ULK4: variants seen among roughly 807,000 people sequenced by gnomAD.
The protein encoded by ULK4 is unc-51 like kinase 4, also known as inactive serine/threonine-protein kinase ULK4.
A neutral mutation model predicts 160.6 loss-of-function variants in ULK4; 133 were observed. The ratio of observed to expected loss-of-function variants is 0.83; its 90% CI spans 0.72 to 0.96. ULK4 has a LOEUF of 0.96. ULK4 is among the 40% of genes least tolerant of loss of function. The probability of loss-of-function intolerance (pLI) is 0.00; values close to 1 mark genes in which losing one functional copy is unlikely to be tolerated. For missense variants in ULK4, 1,580 were observed against 1,499.5 expected (o/e 1.05, Z -0.89); for synonymous variants, 534 against 539.8 (o/e 0.99, Z 0.15).
intron 21 of ULK4, among the ~76,000 whole-genome samples, chr3:41,780,546 G>A (rs988359524): frequency 5.3e-5 from 8 of 152,070 alleles, no homozygotes; most frequent in African/African-American, 1.9e-4. Context: ...GGCTACAATT[G>A]ATGCTCTTCT....
chr3:41,787,296 T>A (rs2040024844), intron 21 of ULK4, among the ~76,000 whole-genome samples: 1 of 152,138 alleles, frequency 6.6e-6, no homozygotes, highest in Admixed American at 6.5e-5. Flanking sequence ...GTTTCCCCAG[T>A]GATGAGGCAT....
chr3:41,429,870 A>G (rs2082863930), intron 34 of ULK4, among the ~76,000 whole-genome samples: 1 of 152,176 alleles, frequency 6.6e-6, no homozygotes, highest in Non-Finnish European at 1.5e-5. Context: ...CATGTTAACA[A>G]ACCTGCTCAT....
intron 35 of ULK4, among the ~76,000 whole-genome samples, chr3:41,314,071 C>G (rs1340941728): frequency 6.6e-6 from 1 of 152,166 alleles, no homozygotes; most frequent in Non-Finnish European, 1.5e-5. Context: ...ACCCCCCAGT[C>G]TTTGAGATGT....
At chr3:41,879,378 G>GGA (rs1451419075) in intron 17 of ULK4, among the ~76,000 whole-genome samples, 1 of 152,036 alleles carries the variant, frequency 6.6e-6, no homozygotes, top group Non-Finnish European at 1.5e-5. Flanking sequence ...AGGGAGAGGG[G>GGA]GAATGAAAGC....
At chr3:41,843,966 T>C (rs1210558642) in intron 17 of ULK4, among the ~76,000 whole-genome samples, 1 of 151,586 alleles carries the variant, frequency 6.6e-6, no homozygotes, top group Non-Finnish European at 1.5e-5. Context: ...CCCACCAGAG[T>C]AGCTAGATAC....
chr3:41,391,954 A>G (rs368439742), intron 35 of ULK4, among the ~76,000 whole-genome samples: 2 of 152,080 alleles, frequency 1.3e-5, no homozygotes, highest in South Asian at 2.1e-4. Context: ...TCACCCTTCC[A>G]TGGACTATTT....
intron 32 of ULK4, among the ~76,000 whole-genome samples, chr3:41,514,815 G>A (rs971663160): frequency 6.6e-6 from 1 of 151,920 alleles, no homozygotes; most frequent in African/African-American, 2.4e-5. Flanking sequence ...CTGGTTAACG[G>A]GTGCAATGTA....
At chr3:41,829,846 C>T (rs1382330274) in intron 18 of ULK4, among the ~76,000 whole-genome samples, 4 of 147,140 alleles carry the variant, frequency 2.7e-5, no homozygotes, top group African/African-American at 7.9e-5. Flanking sequence ...CACATGCACA[C>T]GTATGTTTAT....
At chr3:41,637,041 C>A (rs1486251745) in intron 30 of ULK4, among the ~76,000 whole-genome samples, 1 of 152,100 alleles carries the variant, frequency 6.6e-6, no homozygotes, top group Non-Finnish European at 1.5e-5. Flanking sequence ...AAATCAAGCT[C>A]ATTAATATAT....
At chr3:41,561,092 G>A (rs1300083196) in intron 32 of ULK4, among the ~76,000 whole-genome samples, 2 of 152,048 alleles carry the variant, frequency 1.3e-5, no homozygotes, top group Non-Finnish European at 2.9e-5. Context: ...GAATCTTCTT[G>A]AAGGCCTTTT....
intron 1 of ULK4, among the ~76,000 whole-genome samples, chr3:41,961,163 GAGGCATTTAAGAGTCGGGGGC>G (rs1282769018): frequency 1.3e-5 from 2 of 152,156 alleles, no homozygotes; most frequent in African/African-American, 4.8e-5. Context: ...AGGTGCAAAT[GAGGCATTTAAGAGTCGGGGGC>G]AGGTCCTACA....
At chr3:41,772,387 T>C (rs2039423636) in intron 21 of ULK4, among the ~76,000 whole-genome samples, 1 of 151,858 alleles carries the variant, frequency 6.6e-6, no homozygotes, top group African/African-American at 2.4e-5. Flanking sequence ...ATAAAGGGGA[T>C]ATCACCACCG....
chr3:41,621,448 A>G (rs2033241562), intron 30 of ULK4, among the ~76,000 whole-genome samples: 1 of 152,214 alleles, frequency 6.6e-6, no homozygotes, highest in African/African-American at 2.4e-5. Context: ...CAGAGACCTC[A>G]GAAATAACAT....
chr3:41,810,304 A>T (rs1412014181), intron 19 of ULK4, among the ~76,000 whole-genome samples: 1 of 152,210 alleles, frequency 6.6e-6, no homozygotes, highest in Admixed American at 6.5e-5. Context: ...GTGAAAGCCC[A>T]TTAGTTTTGA....
intron 12 of ULK4, 108 bp downstream of exon 12, chr3:41,907,737 C>T (rs1698622960): frequency 1.3e-5 from 8 of 625,758 alleles, no homozygotes; most frequent in Non-Finnish European, 2.0e-5. Context: ...GCAAAGATGA[C>T]CTTATTGTAA....
At chr3:41,416,449 C>G (rs992616465) in intron 34 of ULK4, among the ~76,000 whole-genome samples, 1 of 152,148 alleles carries the variant, frequency 6.6e-6, no homozygotes, top group Non-Finnish European at 1.5e-5. Context: ...TAGAATGACG[C>G]CGTCATGTAA....
chr3:41,394,653 G>C (rs1446963677), intron 35 of ULK4, among the ~76,000 whole-genome samples: 3 of 152,020 alleles, frequency 2.0e-5, no homozygotes, highest in Non-Finnish European at 4.4e-5. Flanking sequence ...TTTTGCACCA[G>C]TGCAAAGTTG....
chr3:41,373,181 A>G lies in ULK4; in HGVS notation c.3678+24898T>C, dbSNP rs199743067. Among the ~76,000 whole-genome samples, 43 of 152,300 alleles carry G rather than the reference A, an allele frequency of 2.8e-4. 1 individual carries two copies. In the East Asian group the frequency reaches 7.5e-3, roughly 27 times the overall value. On this transcript the variant is annotated intron_variant, in intron 35 of 36. Coordinates refer to ENST00000301831, the MANE Select transcript of ULK4 (RefSeq NM_017886.4). ...ACAAAGAGACTTAGACTGCCACACAATAATAGTGTGGGAGTGACACCCCAC... is the reference window on the plus strand; with the variant it reads ...ACAAAGAGACTTAGACTGCCACACAGTAATAGTGTGGGAGTGACACCCCAC...
intron 32 of ULK4, among the ~76,000 whole-genome samples, chr3:41,538,739 T>C (rs1052738121): frequency 2.0e-5 from 3 of 152,156 alleles, no homozygotes; most frequent in Admixed American, 6.6e-5. Context: ...ATTATTATAG[T>C]AGTAAAGTAT....
Sources: gnomAD v4.1 joint callset for allele counts (sites outside exome capture counted in the v4.1 genomes callset) on GRCh38, gnomAD v4.1.1 for gene constraint, MANE v1.5 for transcripts, NCBI Gene and HGNC (gene_info 2026-07-23, HGNC 2026-07-21) for gene names.